DNAH6: variants seen among roughly 807,000 people sequenced by gnomAD.
DNAH6 encodes the protein axonemal beta dynein heavy chain 6.
In DNAH6, 340 loss-of-function variants were observed where a neutral mutation model predicts 491.4. That is an observed-to-expected ratio of 0.69 (90% CI 0.63 to 0.76). DNAH6 has a LOEUF of 0.76. DNAH6 is among the 30% of genes least tolerant of loss of function. The probability of loss-of-function intolerance (pLI) is 0.00; values close to 1 mark genes in which losing one functional copy is unlikely to be tolerated. For missense variants in DNAH6, 4,443 were observed against 4,972.2 expected (o/e 0.89, Z 3.20); for synonymous variants, 1,603 against 1,686.1 (o/e 0.95, Z 1.21).
chr2:84,813,964 A>T lies in DNAH6; in HGVS notation c.11999-7A>T. The T allele has an allele frequency of 6.4e-7, 1 of 1,551,638 alleles. No individual in the cohort carries two copies. The highest frequency in any genetic ancestry group is 8.7e-7 in the Non-Finnish European group (1 of 1,146,930). On this transcript the variant is annotated splice_region_variant and splice_polypyrimidine_tract_variant and intron_variant, in intron 74 of 76. Coordinates refer to ENST00000389394, the MANE Select transcript of DNAH6 (RefSeq NM_001370.2). ...TGAACGCAGCTTTCCGATTTTCACA[A>T]TTACAGGAACTCTTCAAAATCATGC...
the DNAH6 span, among the ~76,000 whole-genome samples, chr2:84,505,771 A>G: frequency 6.6e-6 from 1 of 151,792 alleles, no homozygotes; most frequent in Non-Finnish European, 1.5e-5. Context: ...GTGTGTTCTC[A>G]TTGTTCAATT....
At chr2:84,550,287 G>A (rs1007881009) in intron 9 of DNAH6, among the ~76,000 whole-genome samples, 6 of 152,126 alleles carry the variant, frequency 3.9e-5, no homozygotes, top group Admixed American at 3.3e-4. Context: ...AGATCATCAG[G>A]CATTAGTTAG....
the DNAH6 span, among the ~76,000 whole-genome samples, chr2:84,462,052 A>C: frequency 6.6e-6 from 1 of 152,154 alleles, no homozygotes; most frequent in African/African-American, 2.4e-5. Flanking sequence ...AGGCAAACCT[A>C]CCTCCCATTT....
intron 40 of DNAH6, among the ~76,000 whole-genome samples, chr2:84,673,482 G>A (rs1417826882): frequency 6.6e-6 from 1 of 152,204 alleles, no homozygotes; most frequent in Non-Finnish European, 1.5e-5. Context: ...AGGCAGATCA[G>A]CAGGACTGGT....
intron 10 of DNAH6, among the ~76,000 whole-genome samples, chr2:84,557,043 A>AT (rs1680103638): frequency 6.6e-6 from 1 of 152,162 alleles, no homozygotes. Context: ...TTACACGTCT[A>AT]TTTTTCCCAT....
chr2:84,814,269 C>G (rs1680281306), intron 75 of DNAH6, 147 bp downstream of exon 75: 2 of 744,828 alleles, frequency 2.7e-6, no homozygotes, highest in African/African-American at 1.8e-5. Flanking sequence ...CCAAGATAAG[C>G]TCCCCAATTA....
At position 84,750,519 on chromosome 2, in the gene DNAH6, T is replaced by C. The variant is rs141966470; in HGVS notation, c.10512+5270T>C. Among the ~76,000 whole-genome samples, 930 of 152,224 alleles carry C rather than the reference T, an allele frequency of 6.1e-3. 5 individuals are homozygous for C. The highest frequency in any genetic ancestry group is 9.4e-3 in the Non-Finnish European group (642 of 68,024). On this transcript the variant is annotated intron_variant, in intron 63 of 76. Coordinates refer to ENST00000389394, the MANE Select transcript of DNAH6 (RefSeq NM_001370.2). The stretch of plus-strand genomic sequence containing the variant: ...ATACTTTTTTAAAGAGACTTTGTCT[T>C]GTAGAAACATATTGAATTACTAAAG...
At chr2:84,641,729 GAGA>G (rs2104505753) in intron 32 of DNAH6, among the ~76,000 whole-genome samples, 1 of 152,298 alleles carries the variant, frequency 6.6e-6, no homozygotes, top group South Asian at 2.1e-4. Flanking sequence ...GGAGGGTGAT[GAGA>G]AGATGTCCTT....
At position 84,557,754 on chromosome 2, in the gene DNAH6, T is replaced by C. The variant is rs1165595732; in HGVS notation, c.1622T>C (p.Val541Ala). ...TAACAGGATGGTATTTTGGGTGCAG[T>C]TAATCACTGTCAAAACACTGTGTTA... Reference protein sequence around the residue: ...EDFLDGILGAVNHCQNTVLSV... With the variant: ...EDFLDGILGAANHCQNTVLSV... Residue 541 changes from valine to alanine, a missense_variant, in exon 11 of 77, where the codon GTT becomes GCT. Physicochemically the swap from Val to Ala is moderately conservative, Grantham distance 64. Around this residue, in one of 3 missense-constraint regions of DNAH6, gnomAD observed 2,977 missense variants for 3,296.6 expected, o/e 0.90. Coordinates refer to ENST00000389394, the MANE Select transcript of DNAH6 (RefSeq NM_001370.2). The C allele has an allele frequency of 6.2e-7, 1 of 1,601,594 alleles. No individual in the cohort carries two copies. Among genetic ancestry groups the C allele is most frequent in the Non-Finnish European group, 8.5e-7 (1 of 1,171,906 alleles).
In DNAH6 at chr2:84,653,453, A is replaced by G; in HGVS notation, c.5213A>G (p.Gln1738Arg). The G allele has an allele frequency of 3.9e-6, 6 of 1,551,250 alleles. No homozygotes were observed. Among genetic ancestry groups the G allele is most frequent in the Non-Finnish European group, 5.2e-6 (6 of 1,146,690 alleles). ...ATGTGTATGGTTAGAAAGGTGATAC[A>G]GTTTTATGAAACTATGCTAGTAAGG... is the stretch of plus-strand genomic sequence containing the variant. ...PEMCMVRKVI[Q>R]FYETMLVRHG... Residue 1738 changes from glutamine to arginine, a missense_variant, in exon 34 of 77, where the codon CAG becomes CGG. By Grantham distance (43) the Gln-to-Arg change is conservative. Around this residue, in one of 3 missense-constraint regions of DNAH6, gnomAD observed 2,977 missense variants for 3,296.6 expected, o/e 0.90. Transcript: ENST00000389394.
chr2:84,706,189 G>A (rs1445623461), intron 52 of DNAH6, among the ~76,000 whole-genome samples: 1 of 152,126 alleles, frequency 6.6e-6, no homozygotes, highest in Non-Finnish European at 1.5e-5. Context: ...AAGAACTGTG[G>A]CTATAGAGCA....
chr2:84,694,525 G>A (rs747537949), intron 46 of DNAH6, 45 bp downstream of exon 46: 1 of 1,396,960 alleles, frequency 7.2e-7, no homozygotes, highest in Non-Finnish European at 9.9e-7. Flanking sequence ...AAATGTATGG[G>A]TGTTACAATC....
At position 84,709,475 on chromosome 2, in the gene DNAH6, A is replaced by T; in HGVS notation, c.9181A>T (p.Ile3061Leu). 1 of 1,551,578 alleles carries T rather than the reference A, an allele frequency of 6.4e-7. No individual in the cohort carries two copies. Residue 3061 changes from isoleucine (I) to leucine (L), a missense_variant, in exon 55 of 77, where the codon ATA becomes TTA. By Grantham distance (5) the Ile-to-Leu change is conservative. This residue lies in a region of DNAH6 where 1,463 missense variants were observed against 1,656.6 expected (regional missense o/e 0.88). Transcript: ENST00000389394. ...WNTDGLPRDL[I>L]STENGILVTQ... ...CACTGATGGGCTGCCCCGTGACTTG[A>T]TATCAACAGAAAATGGCATTTTGGT... is the stretch of plus-strand genomic sequence containing the variant.
At position 84,709,510 on chromosome 2, in the gene DNAH6, C is replaced by T. The variant is rs1347225360; in HGVS notation, c.9216C>T (p.Gly3072=). Residue 3072 remains glycine (G), a synonymous_variant, in exon 55 of 77, where the codon GGC becomes GGT. Coordinates refer to ENST00000389394, the MANE Select transcript of DNAH6 (RefSeq NM_001370.2). ...STENGILVTQ[G]RRWPLMIDPQ... ...AAAATGGCATTTTGGTTACTCAAGG[C>T]AGAAGATGGCCTTTGATGATTGATC... 1 of 1,551,618 alleles carries T rather than the reference C, an allele frequency of 6.4e-7. No homozygotes were observed. Among genetic ancestry groups the T allele is most frequent in the South Asian group, 1.2e-5 (1 of 84,040 alleles).
intron 45 of DNAH6, among the ~76,000 whole-genome samples, chr2:84,692,607 G>A (rs1694978134): frequency 6.6e-6 from 1 of 152,114 alleles, no homozygotes; most frequent in Non-Finnish European, 1.5e-5. Flanking sequence ...TATATTTTAT[G>A]TCTTCTTAAG....
At position 84,762,757 on chromosome 2, in the gene DNAH6, G is replaced by C; in HGVS notation, c.10515G>C (p.Val3505=). The change falls in exon 64 of 77, where the codon GTG becomes GTC. Residue 3505 remains valine (V), a splice_region_variant and synonymous_variant. Transcript: ENST00000389394. Reference sequence around the variant, plus strand: ...TTTTTTTTCTTTTCAACTTTCAGGTGGTTTTTGCTCTTACAGACTTTGTGA... The same window carrying C: ...TTTTTTTTCTTTTCAACTTTCAGGTCGTTTTTGCTCTTACAGACTTTGTGA... ...ILIKCCKEEK[V]VFALTDFVIE... The C allele has an allele frequency of 1.3e-6, 2 of 1,537,714 alleles. No individual in the cohort carries two copies. The highest frequency in any genetic ancestry group is 1.8e-6 in the Non-Finnish European group (2 of 1,141,302).
At chr2:84,459,711 C>A in the DNAH6 span, 49 of 161,770 alleles carry the variant, frequency 3.0e-4, no homozygotes, top group South Asian at 6.8e-3. Flanking sequence ...GTATCCCAGG[C>A]CCATCTCCTT....
At chr2:84,802,376 A>G (rs1305819231) in intron 70 of DNAH6, among the ~76,000 whole-genome samples, 1 of 152,232 alleles carries the variant, frequency 6.6e-6, no homozygotes, top group Non-Finnish European at 1.5e-5. Flanking sequence ...TCTATCATGC[A>G]AACAAAATAA....
intron 75 of DNAH6, 45 bp downstream of exon 75, chr2:84,814,167 T>G (rs1680271062): frequency 6.5e-7 from 1 of 1,536,960 alleles, no homozygotes; most frequent in Non-Finnish European, 8.8e-7. Context: ...TCTATCCCAC[T>G]GTCTTTGAAG....
Sources: gnomAD v4.1 joint callset for allele counts (sites outside exome capture counted in the v4.1 genomes callset) on GRCh38, gnomAD v4.1.1 for gene constraint, gnomAD v4.1.1 regional missense constraint, MANE v1.5 for transcripts, NCBI Gene and HGNC (gene_info 2026-07-23, HGNC 2026-07-21) for gene names.